The following MASP1 variants were observed in gnomAD, a reference collection of about 807,000 sequenced individuals.
The protein encoded by MASP1 is MBL associated serine protease 1, also known as mannan-binding lectin serine protease 1.
MASP1 carries 59 observed loss-of-function variants against 77.1 expected under a neutral mutation model. That is an observed-to-expected ratio of 0.77 (90% confidence interval 0.62 to 0.95). The LOEUF is 0.95. Ranked by LOEUF, MASP1 falls within the 40% of genes least tolerant of loss-of-function variation. MASP1 has a pLI of 0.00. For synonymous variants in MASP1, 362 were observed against 354.5 expected, an observed-to-expected ratio of 1.02 and a Z score of -0.24; for missense variants, 885 against 912.9, an observed-to-expected ratio of 0.97 and a Z score of 0.39.
downstream of MASP1, among the ~76,000 whole-genome samples, chr3:187,233,812 G>A (rs75504992): frequency 1.3e-5 from 2 of 152,046 alleles, no homozygotes; most frequent in African/African-American, 2.4e-5. Context: ...CCCAGCGTGT[G>A]GGGGGTTGGG....
At chr3:187,289,679 G>A (rs1347338266) in intron 1 of MASP1, among the ~76,000 whole-genome samples, 2 of 152,164 alleles carry the variant, frequency 1.3e-5, no homozygotes, top group South Asian at 2.1e-4. Context: ...TCATTCCGAC[G>A]TACAGTCAGA....
rs1044302058 is a variant in MASP1, at chr3:187,220,260, C to G, written c.1911G>C (p.Gly637=). The G allele has an allele frequency of 2.3e-5, 37 of 1,613,772 alleles. No homozygotes were observed. In the East Asian group the frequency reaches 7.8e-4, roughly 34 times the overall value. The change falls in exon 16 of 16, where the codon GGG becomes GGC. Residue 637 remains glycine, a splice_region_variant and synonymous_variant. Coordinates refer to the MASP1 transcript ENST00000337774. ...AGTCACCCGCACAGGCGTCCTTTCC[C>G]CCTAGGTGAAAAAGAGACATAGATG...
intron 5 of MASP1, among the ~76,000 whole-genome samples, chr3:187,256,396 C>T (rs559731034): frequency 1.1e-3 from 164 of 152,302 alleles, no homozygotes; most frequent in Non-Finnish European, 2.1e-3. Context: ...TGAGGCTGGG[C>T]GTGCCCGCCA....
Position 187,238,518 on chromosome 3 carries a change from A to G in MASP1, c.1304-1951T>C, listed in dbSNP as rs1161459430. On this transcript the variant is annotated intron_variant, in intron 10 of 10. Coordinates refer to ENST00000296280, the MANE Select transcript of MASP1 (RefSeq NM_139125.4). The stretch of plus-strand genomic sequence containing the variant: ...TCCCCACCCAGTCTTTCCTGGGAGA[A>G]AGGGATCTTCTTGAAATGTTATAGC... Among the ~76,000 whole-genome samples the G allele has an allele frequency of 4.6e-5, 7 of 152,274 alleles. No homozygotes were observed. In the East Asian group the frequency reaches 1.3e-3, roughly 29 times the overall value.
At chr3:187,244,251 T>C (rs1713900022) in intron 8 of MASP1, 1 of 159,266 alleles carries the variant, frequency 6.3e-6, no homozygotes, top group Admixed American at 5.8e-5. Context: ...GTTCATTTTC[T>C]ATAATTGTTG....
chr3:187,256,816 T>C lies in MASP1; in HGVS notation c.592A>G (p.Thr198Ala), dbSNP rs759340075. 18 of 1,613,864 alleles carry C rather than the reference T, an allele frequency of 1.1e-5. No individual in the cohort carries two copies. Among genetic ancestry groups the C allele is most frequent in the Non-Finnish European group, 1.4e-5 (16 of 1,180,018 alleles). Residue 198 changes from threonine to alanine, a missense_variant, in exon 5 of 11, where the codon ACC (threonine) becomes GCC (alanine). Coordinates refer to ENST00000296280, the MANE Select transcript of MASP1 (RefSeq NM_139125.4). ...TAAGGGTTTGGGAAGTCAGGGCTGG[T>C]GATCACCCCAGTCCTTTGAGTGAAG... ...NLFTQRTGVI[T>A]SPDFPNPYPK...
Position 187,286,041 on chromosome 3 carries a change from A to G in MASP1, c.21T>C (p.Tyr7=). 1 of 1,614,132 alleles carries G rather than the reference A, an allele frequency of 6.2e-7. No homozygotes were observed. Among genetic ancestry groups the G allele is most frequent in the South Asian group, 1.1e-5 (1 of 91,076 alleles). Residue 7 remains tyrosine (Y), a synonymous_variant, in exon 2 of 11, where the codon TAT becomes TAC. Coordinates refer to ENST00000296280, the MANE Select transcript of MASP1 (RefSeq NM_139125.4). The part of the protein sequence containing the change: MRWLLL[Y]YALCFSLSKA... ...TTGACAGGGAGAAGCACAGAGCATAATAGAGAAGCAGCCACCTGAAAGACA... is the reference window on the plus strand; with the variant it reads ...TTGACAGGGAGAAGCACAGAGCATAGTAGAGAAGCAGCCACCTGAAAGACA...
At chr3:187,284,521 A>T (rs1717689324) in intron 2 of MASP1, among the ~76,000 whole-genome samples, 1 of 152,228 alleles carries the variant, frequency 6.6e-6, no homozygotes, top group Non-Finnish European at 1.5e-5. Flanking sequence ...AAATTTTTAG[A>T]CGCAGAGACC....
At chr3:187,287,102 C>T (rs936551027) in intron 1 of MASP1, among the ~76,000 whole-genome samples, 1 of 152,212 alleles carries the variant, frequency 6.6e-6, no homozygotes, top group African/African-American at 2.4e-5. Context: ...CCAACCCACC[C>T]ACCAGCAGTC....
In MASP1 at chr3:187,251,598, C is replaced by T. The variant is rs768068805; in HGVS notation, c.1011+36G>A. ...GGGCAGGTTTCGAGAGTTTCTGTGG[C>T]CTGGTCACTCCCCTTTCCCAGGCAA... On this transcript the variant is annotated intron_variant, in intron 7 of 10. Coordinates refer to ENST00000296280, the MANE Select transcript of MASP1 (RefSeq NM_139125.4). 62 of 1,570,654 alleles carry T rather than the reference C, an allele frequency of 3.9e-5. No individual in the cohort carries two copies. The South Asian group carries it at 5.8e-4, about 15-fold the overall frequency.
At position 187,286,000 on chromosome 3, in the gene MASP1, G is replaced by T. The variant is rs1062049; in HGVS notation, c.62C>A (p.Thr21Asn). The change falls in exon 2 of 11, where the codon ACC becomes AAC. Residue 21 changes from threonine to asparagine, a missense_variant. Transcript: ENST00000296280. ...CFSLSKASAH[T>N]VELNNMFGQI... is the part of the protein sequence containing the mutation. The stretch of plus-strand genomic sequence containing the variant: ...GCCAAACATATTGTTTAGCTCCACG[G>T]TGTGGGCTGAAGCCTTTGACAGGGA... 10 of 1,614,092 alleles carry T rather than the reference G, an allele frequency of 6.2e-6. No individual in the cohort carries two copies. Among genetic ancestry groups the T allele is most frequent in the Middle Eastern group, 1.6e-4 (1 of 6,084 alleles).
At chr3:187,239,095 C>A (rs1279860783) in intron 10 of MASP1, among the ~76,000 whole-genome samples, 1 of 151,638 alleles carries the variant, frequency 6.6e-6, no homozygotes, top group Non-Finnish European at 1.5e-5. Flanking sequence ...GTAATCCCAG[C>A]ACTTTGGGAA....
At chr3:187,268,374 C>T (rs1389016719) in intron 2 of MASP1, among the ~76,000 whole-genome samples, 2 of 151,876 alleles carry the variant, frequency 1.3e-5, no homozygotes, top group African/African-American at 4.8e-5. Context: ...GTAGTCCCAG[C>T]TACCCTGGAG....
Position 187,262,648 on chromosome 3 carries a change from G to A in MASP1, c.310C>T (p.Gln104Ter). 6.2e-7 allele frequency: 1 copy of A among 1,614,148 alleles called. No individual in the cohort carries two copies. Among genetic ancestry groups the A allele is most frequent in the Non-Finnish European group, 8.5e-7 (1 of 1,180,018 alleles). ...GAGCCAGGGGAGAGGACCACCTCCT[G>A]GCCGGGAGTCTGCTCTGTGTCTGTG... is the stretch of plus-strand genomic sequence containing the variant. ...ETTDTEQTPGQEVVLSPGSFM... is the reference protein window; with the variant it reads ...ETTDTEQTPG Residue 104 changes from glutamine (Q) to a stop codon, truncating the protein, a stop_gained, in exon 3 of 11, where the codon CAG (glutamine) becomes TAG (stop). Transcript: ENST00000296280. LOFTEE classifies it high-confidence loss of function.
In MASP1 at chr3:187,253,189, T is replaced by G. The variant is rs199736644; in HGVS notation, c.871A>C (p.Arg291=). 8.4e-5 allele frequency: 135 copies of G among 1,614,088 alleles called. No individual in the cohort carries two copies. In the East Asian group the frequency reaches 2.9e-3, roughly 35 times the overall value. Residue 291 remains arginine (R), a synonymous_variant, in exon 6 of 11, where the codon AGG becomes CGG. Transcript: ENST00000296280. ...TTACCTGCAGCCCTGTATGAGAGCC[T>G]CCAGCCCCGGTTCTCTCCCGAGTTG... is the stretch of plus-strand genomic sequence containing the variant. ...SDNSGENRGW[R]LSYRAAGNEC...
At chr3:187,248,169 A>G (rs1714260638) in intron 8 of MASP1, among the ~76,000 whole-genome samples, 1 of 152,224 alleles carries the variant, frequency 6.6e-6, no homozygotes, top group Admixed American at 6.5e-5. Context: ...GAATAGGGTC[A>G]TATCAGGGAA....
At chr3:187,265,391 C>T (rs530592761) in intron 2 of MASP1, among the ~76,000 whole-genome samples, 66 of 152,156 alleles carry the variant, frequency 4.3e-4, no homozygotes, top group Non-Finnish European at 7.8e-4. Context: ...CTCCTTGTAA[C>T]GTCTGGGCTG....
At chr3:187,261,613 C>A (rs1048076851) in intron 3 of MASP1, among the ~76,000 whole-genome samples, 1 of 152,184 alleles carries the variant, frequency 6.6e-6, no homozygotes, top group African/African-American at 2.4e-5. Flanking sequence ...AACTCTCATA[C>A]ATTGGTGGAC....
chr3:187,251,913 C>G (rs557071624), intron 6 of MASP1, among the ~76,000 whole-genome samples, 161 bp from the exon 7 acceptor site: 120 of 152,280 alleles, frequency 7.9e-4, no homozygotes, highest in African/African-American at 2.8e-3. Flanking sequence ...ATTCTGGAAC[C>G]GTGAATAGGG....
Sources: allele counts gnomAD v4.1 joint callset (sites outside exome capture counted in the v4.1 genomes callset), GRCh38; gene constraint gnomAD v4.1.1; transcripts MANE v1.5; gene names NCBI Gene and HGNC (gene_info 2026-07-23, HGNC 2026-07-21).